P4HA1: variants seen among roughly 807,000 people sequenced by gnomAD.
The protein encoded by P4HA1 is prolyl 4-hydroxylase subunit alpha 1.
In P4HA1, 24 loss-of-function variants were observed where a neutral mutation model predicts 72.8. That is an observed-to-expected ratio of 0.33 (90% CI 0.24 to 0.46). P4HA1 has a LOEUF of 0.46. Ranked by LOEUF, P4HA1 falls within the 20% of genes least tolerant of loss-of-function variation. The pLI is 1.00. For missense variants in P4HA1, 446 were observed against 640.6 expected (o/e 0.70, Z 3.28); for synonymous variants, 201 against 218.8 (o/e 0.92, Z 0.72).
intron 10 of P4HA1, among the ~76,000 whole-genome samples, chr10:73,023,101 A>G (rs867967525): frequency 1.3e-5 from 2 of 152,358 alleles, no homozygotes; most frequent in Middle Eastern, 6.8e-3. Context: ...GAATTTCCCC[A>G]ACCTAGCAAG....
intron 9 of P4HA1, chr10:73,044,001 C>A: frequency 6.8e-7 from 1 of 1,460,228 alleles, no homozygotes; most frequent in South Asian, 1.2e-5. Context: ...CAGTAGCAGG[C>A]AATTTTGGGC....
chr10:73,046,836 T>G, intron 8 of P4HA1, 89 bp downstream of exon 8: 1 of 952,158 alleles, frequency 1.1e-6, no homozygotes, highest in South Asian at 1.6e-5. Context: ...TGTGGCATTA[T>G]TCGTATATCA....
intron 9 of P4HA1, among the ~76,000 whole-genome samples, chr10:73,033,456 C>T (rs768492028): frequency 1.3e-5 from 2 of 152,198 alleles, no homozygotes; most frequent in Non-Finnish European, 2.9e-5. Flanking sequence ...TGCTTTCTAA[C>T]TCTAGATGCC....
At chr10:73,037,549 ATATATATATATATATATATATATTTTT>A (rs1840613237) in intron 9 of P4HA1, among the ~76,000 whole-genome samples, 1 of 29,324 alleles carries the variant, frequency 3.4e-5, no homozygotes, top group African/African-American at 1.4e-4. Flanking sequence ...ATATATATAT[ATATATATATATATATATATATATTTTT>A]TTTTTTTTTT....
chr10:73,030,657 C>T (rs1840412464), intron 9 of P4HA1, among the ~76,000 whole-genome samples: 1 of 151,988 alleles, frequency 6.6e-6, no homozygotes, highest in Admixed American at 6.6e-5. Context: ...TGAAAGCCAC[C>T]TACATTGAGA....
At chr10:73,074,424 C>G (rs933465765) in intron 2 of P4HA1, among the ~76,000 whole-genome samples, 3 of 151,810 alleles carry the variant, frequency 2.0e-5, no homozygotes, top group African/African-American at 7.3e-5. Flanking sequence ...TGAAGACCAG[C>G]CTGGTCAACA....
At chr10:73,052,421 A>G (rs77960319) in intron 6 of P4HA1, among the ~76,000 whole-genome samples, 6,971 of 152,246 alleles carry the variant, frequency 0.046, 504 homozygotes, top group African/African-American at 0.15. Context: ...TATACACTAA[A>G]AGGAAACAAA....
At chr10:73,089,756 T>C (rs1225757111) in intron 1 of P4HA1, among the ~76,000 whole-genome samples, 4 of 143,050 alleles carry the variant, frequency 2.8e-5, no homozygotes, top group Non-Finnish European at 4.5e-5. Flanking sequence ...TTTTATAAAA[T>C]TCTAGAAAAT....
chr10:73,023,922 T>C (rs1564620966), intron 10 of P4HA1, among the ~76,000 whole-genome samples: 2 of 151,948 alleles, frequency 1.3e-5, no homozygotes, highest in Admixed American at 6.6e-5. Flanking sequence ...TAGGGATCAA[T>C]TCAACAAGAA....
At chr10:73,071,696 T>A (rs1448995550) in intron 4 of P4HA1, among the ~76,000 whole-genome samples, 2 of 152,138 alleles carry the variant, frequency 1.3e-5, no homozygotes, top group African/African-American at 2.4e-5. Flanking sequence ...AACATTTTTT[T>A]AAATTGATTG....
chr10:73,039,259 A>T (rs1243599473), intron 9 of P4HA1, among the ~76,000 whole-genome samples: 1 of 151,838 alleles, frequency 6.6e-6, no homozygotes, highest in African/African-American at 2.4e-5. Context: ...ACTTAGGCCT[A>T]GATGACAGAG....
chr10:73,074,968 G>A (rs1841663027), intron 1 of P4HA1, 53 bp from the exon 2 acceptor site: 2 of 668,052 alleles, frequency 3.0e-6, no homozygotes, highest in East Asian at 2.7e-5. Context: ...CAAAGAGAAG[G>A]AAAAGTTCCT....
chr10:73,011,828 C>T (rs1839916629), intron 12 of P4HA1, among the ~76,000 whole-genome samples: 1 of 152,006 alleles, frequency 6.6e-6, no homozygotes, highest in Non-Finnish European at 1.5e-5. Context: ...TGGGCAAATG[C>T]TATCCAAGGA....
chr10:73,069,439 T>C (rs998372567), intron 4 of P4HA1, among the ~76,000 whole-genome samples: 7 of 152,208 alleles, frequency 4.6e-5, no homozygotes, highest in Non-Finnish European at 7.3e-5. Flanking sequence ...TATTACACAT[T>C]ATATAAATAT....
chr10:73,025,293 G>A (rs1268830104), intron 10 of P4HA1, among the ~76,000 whole-genome samples: 1 of 152,162 alleles, frequency 6.6e-6, no homozygotes, highest in Non-Finnish European at 1.5e-5. Flanking sequence ...TCATCCCTGG[G>A]ATGCAAGGCT....
At chr10:73,025,180 A>C (rs973679745) in intron 10 of P4HA1, among the ~76,000 whole-genome samples, 5 of 152,218 alleles carry the variant, frequency 3.3e-5, no homozygotes, top group Admixed American at 6.5e-5. Flanking sequence ...GACACAACAA[A>C]AAAAGAGAAT....
intron 10 of P4HA1, among the ~76,000 whole-genome samples, chr10:73,027,877 G>GGAGGGACA (rs1840327746): frequency 7.6e-6 from 1 of 131,314 alleles, no homozygotes; most frequent in South Asian, 2.9e-4. Flanking sequence ...AGAGAGGGAG[G>GGAGGGACA]GAGGGAGGGA....
chr10:73,057,539 A>G (rs992130151), intron 5 of P4HA1, among the ~76,000 whole-genome samples: 4 of 152,124 alleles, frequency 2.6e-5, no homozygotes, highest in South Asian at 2.1e-4. Flanking sequence ...CAAAAAAACT[A>G]AAGTCTGTCT....
At chr10:73,039,143 G>C (rs974334331) in intron 9 of P4HA1, among the ~76,000 whole-genome samples, 1 of 152,102 alleles carries the variant, frequency 6.6e-6, no homozygotes, top group African/African-American at 2.4e-5. Context: ...AATTATCCAA[G>C]CATGGTGGTG....
Sources: allele counts gnomAD v4.1 joint callset (sites outside exome capture counted in the v4.1 genomes callset), GRCh38; gene constraint gnomAD v4.1.1; transcripts MANE v1.5; gene names NCBI Gene and HGNC (gene_info 2026-07-23, HGNC 2026-07-21).